Variants in MAOB observed in about 807,000 individuals in gnomAD.
MAOB encodes amine oxidase [flavin-containing] B.
In MAOB, 15 loss-of-function variants were observed where a neutral mutation model predicts 41.9. That is an observed-to-expected ratio of 0.36 (90% confidence interval 0.24 to 0.55). The LOEUF is 0.55. MAOB is among the 20% of genes least tolerant of loss of function. MAOB has a pLI of 0.86. For missense variants in MAOB, 345 were observed against 398.7 expected (o/e 0.87, Z 1.15); for synonymous variants, 167 against 144.2 (o/e 1.16, Z -1.13).
chrX:43,776,958 C>T (rs957756223), intron 11 of MAOB, among the ~76,000 whole-genome samples: 3 of 111,222 alleles, frequency 2.7e-5, no homozygotes, highest in African/African-American at 9.8e-5. Flanking sequence ...TTTATGGCTG[C>T]ATAGTATTCC....
At chrX:43,817,197 T>C in intron 3 of MAOB, among the ~76,000 whole-genome samples, 2 of 108,979 alleles carry the variant, frequency 1.8e-5, no homozygotes, top group Middle Eastern at 9.2e-3. Flanking sequence ...AACGATTCTT[T>C]GGGGAGTCTG....
chrX:43,820,977 A>G (rs2034872875), intron 3 of MAOB, among the ~76,000 whole-genome samples: 1 of 112,463 alleles, frequency 8.9e-6, no homozygotes, highest in South Asian at 3.7e-4. Flanking sequence ...CACTTTCATC[A>G]TCTGTAAAAT....
intron 3 of MAOB, among the ~76,000 whole-genome samples, chrX:43,805,227 T>C (rs759806930): frequency 5.4e-5 from 6 of 111,754 alleles, no homozygotes; most frequent in Non-Finnish European, 1.1e-4. Flanking sequence ...TTTTTAACTA[T>C]AGTTACCATG....
chrX:43,842,760 T>C (rs893548628), intron 2 of MAOB, among the ~76,000 whole-genome samples: 1 of 111,736 alleles, frequency 8.9e-6, no homozygotes, highest in Non-Finnish European at 1.9e-5. Flanking sequence ...TAAAGAAATG[T>C]CATTTGGGAC....
intron 8 of MAOB, among the ~76,000 whole-genome samples, chrX:43,784,492 T>C (rs1247996627): frequency 2.7e-5 from 3 of 112,492 alleles, no homozygotes; most frequent in African/African-American, 6.5e-5. Flanking sequence ...GCATTGTCCA[T>C]GAACAGTAAC....
chrX:43,790,563 G>A lies in MAOB; in HGVS notation c.928+2856C>T, dbSNP rs1419947677. Reference sequence around the variant, plus strand: ...CAAAAGAAATCTCAAATGCTTTGGTGAGGCTATCTCATGTCAACAAACTTT... The same window carrying A: ...CAAAAGAAATCTCAAATGCTTTGGTAAGGCTATCTCATGTCAACAAACTTT... On this transcript the variant is annotated intron_variant, in intron 8 of 14. Coordinates refer to ENST00000378069, the MANE Select transcript of MAOB (RefSeq NM_000898.5). Among the ~76,000 whole-genome samples, 4 of 111,273 alleles carry A rather than the reference G, an allele frequency of 3.6e-5. No homozygotes were observed. In the East Asian group the frequency reaches 1.1e-3, roughly 31 times the overall value.
At chrX:43,801,836 A>G (rs2034598534) in intron 5 of MAOB, among the ~76,000 whole-genome samples, 2 of 113,002 alleles carry the variant, frequency 1.8e-5, no homozygotes, top group South Asian at 7.2e-4. Context: ...AGTGAAGAAT[A>G]CAAAAATTGT....
intron 1 of MAOB, among the ~76,000 whole-genome samples, chrX:43,864,696 T>C (rs2035354378): frequency 9.0e-6 from 1 of 111,434 alleles, no homozygotes; most frequent in Admixed American, 9.6e-5. Context: ...TGGCTTGGCA[T>C]GGTACATGGA....
Position 43,802,825 on chromosome X carries a change from T to C in MAOB, c.384+475A>G, listed in dbSNP as rs566656764. 4.4e-4 allele frequency among the ~76,000 whole-genome samples: 49 copies of C among 110,350 alleles called. 1 individual carries two copies. The South Asian group carries it at 0.019, about 43-fold the overall frequency. On this transcript the variant is annotated intron_variant, in intron 4 of 14. Coordinates refer to ENST00000378069, the MANE Select transcript of MAOB (RefSeq NM_000898.5). ...GGAGAGCATTAGGACAAATACCTAA[T>C]GCATGTGGGGCTTAAAACCTAGACG...
At chrX:43,864,761 C>A (rs1266101936) in intron 1 of MAOB, among the ~76,000 whole-genome samples, 2 of 111,264 alleles carry the variant, frequency 1.8e-5, no homozygotes, top group Non-Finnish European at 3.8e-5. Context: ...GGGTCAGCCT[C>A]AGGACAGCAT....
At chrX:43,806,882 C>T (rs1482458372) in intron 3 of MAOB, among the ~76,000 whole-genome samples, 1 of 111,273 alleles carries the variant, frequency 9.0e-6, no homozygotes, top group African/African-American at 3.3e-5. Context: ...TCCTTCAGGT[C>T]GGCTCCTGAG....
chrX:43,773,285 G>C (rs1034551755), intron 12 of MAOB, among the ~76,000 whole-genome samples: 2 of 112,033 alleles, frequency 1.8e-5, no homozygotes, highest in African/African-American at 6.5e-5. Context: ...CCCTGTATTA[G>C]AGCATTTACC....
chrX:43,788,714 C>T (rs761987857), intron 8 of MAOB, among the ~76,000 whole-genome samples: 14 of 111,069 alleles, frequency 1.3e-4, no homozygotes, highest in Admixed American at 3.8e-4. Flanking sequence ...ATATTGTTAA[C>T]AGGAAAAAGC....
intron 2 of MAOB, among the ~76,000 whole-genome samples, chrX:43,842,769 A>G (rs1602020692): frequency 1.8e-5 from 2 of 111,958 alleles, no homozygotes; most frequent in Admixed American, 1.9e-4. Flanking sequence ...GTCATTTGGG[A>G]CAACATAGAT....
chrX:43,793,425 TCCTCCAGAAAGG>T lies in MAOB; in HGVS notation c.910_921del (p.Pro304_Arg307del). 1.7e-6 allele frequency: 2 copies of T among 1,189,194 alleles called. No homozygotes were observed. The highest frequency in any genetic ancestry group is 2.4e-5 in the Admixed American group (1 of 42,134). On this transcript the variant is annotated inframe_deletion, in exon 8 of 15. Transcript: ENST00000378069. ...ATATAAGGAAAGTACTCACCCTTTT[TCCTCCAGAAAGG>T]CTCTTTATAATAAACTATACACTTG...
intron 8 of MAOB, among the ~76,000 whole-genome samples, chrX:43,790,885 A>C: frequency 8.9e-6 from 1 of 112,005 alleles, no homozygotes; most frequent in Non-Finnish European, 1.9e-5. Context: ...GCCTAAGATA[A>C]AGATTTGCAG....
At chrX:43,800,641 C>G (rs1312977658) in intron 5 of MAOB, among the ~76,000 whole-genome samples, 1 of 110,881 alleles carries the variant, frequency 9.0e-6, no homozygotes, top group African/African-American at 3.3e-5. Flanking sequence ...CAGAAAGTAA[C>G]CAATGTGTTC....
intron 1 of MAOB, among the ~76,000 whole-genome samples, chrX:43,876,394 G>A (rs972993266): frequency 8.9e-6 from 1 of 112,566 alleles, no homozygotes; most frequent in Non-Finnish European, 1.9e-5. Flanking sequence ...AGAGGGAAGA[G>A]TATGGTGTTT....
At chrX:43,831,402 T>C (rs1458811511) in intron 3 of MAOB, among the ~76,000 whole-genome samples, 2 of 111,073 alleles carry the variant, frequency 1.8e-5, no homozygotes, top group Non-Finnish European at 3.8e-5. Context: ...AACGAATTAC[T>C]CCATGTTGTA....
Sources: allele counts gnomAD v4.1 joint callset (sites outside exome capture counted in the v4.1 genomes callset), GRCh38; gene constraint gnomAD v4.1.1; transcripts MANE v1.5; gene names NCBI Gene and HGNC (gene_info 2026-07-23, HGNC 2026-07-21).